Variants in ATRNL1 observed in about 807,000 individuals in gnomAD.
ATRNL1 encodes attractin-like protein 1.
In ATRNL1, 95 loss-of-function variants were observed where a neutral mutation model predicts 182.7. The ratio of observed to expected loss-of-function variants is 0.52; its 90% CI spans 0.44 to 0.62. The LOEUF (loss-of-function observed/expected upper bound fraction) is 0.62. Among genes scored for constraint, ATRNL1 ranks in the 20% least tolerant of loss-of-function variants. The pLI, the probability that ATRNL1 is intolerant of heterozygous loss-of-function variation, is 0.00. For missense variants in ATRNL1, 1,471 were observed against 1,679.5 expected, an observed-to-expected ratio of 0.88 and a Z score of 2.17; for synonymous variants, 576 against 568.3, an observed-to-expected ratio of 1.01 and a Z score of -0.19.
chr10:115,591,635 C>T (rs1315326224), intron 26 of ATRNL1, among the ~76,000 whole-genome samples: 3 of 152,176 alleles, frequency 2.0e-5, no homozygotes, highest in African/African-American at 7.2e-5. Context: ...ATTCGTGGAG[C>T]ATTGTCTCCT....
intron 14 of ATRNL1, among the ~76,000 whole-genome samples, chr10:115,283,431 C>T (rs1440659334): frequency 4.6e-5 from 7 of 152,040 alleles, no homozygotes; most frequent in African/African-American, 1.4e-4. Flanking sequence ...AACGAACAAA[C>T]AAACACACCA....
chr10:115,109,931 C>T (rs1020400967), intron 1 of ATRNL1, among the ~76,000 whole-genome samples: 2 of 152,084 alleles, frequency 1.3e-5, no homozygotes. Context: ...TAATTTTAGG[C>T]TGAAGAGCCA....
chr10:115,849,078 T>C (rs1950994763), intron 28 of ATRNL1, among the ~76,000 whole-genome samples: 1 of 152,168 alleles, frequency 6.6e-6, no homozygotes. Flanking sequence ...TGTAACAGAA[T>C]TTTTCCCATA....
chr10:115,879,744 C>T (rs1407285868), intron 28 of ATRNL1, among the ~76,000 whole-genome samples: 2 of 152,056 alleles, frequency 1.3e-5, no homozygotes, highest in Non-Finnish European at 2.9e-5. Context: ...TAAGGGAATA[C>T]TAGAGATTCT....
chr10:115,254,742 T>A (rs1284288439), intron 10 of ATRNL1, among the ~76,000 whole-genome samples: 3 of 152,338 alleles, frequency 2.0e-5, no homozygotes, highest in African/African-American at 7.2e-5. Context: ...TTGCCTAGGT[T>A]CTCTTCTAGG....
chr10:115,725,148 G>A (rs1947554273), intron 26 of ATRNL1, among the ~76,000 whole-genome samples: 1 of 152,064 alleles, frequency 6.6e-6, no homozygotes, highest in African/African-American at 2.4e-5. Flanking sequence ...TATTTTTCTT[G>A]TTCTTTACAT....
intron 27 of ATRNL1, among the ~76,000 whole-genome samples, chr10:115,746,561 T>C (rs868958262): frequency 6.6e-6 from 1 of 152,174 alleles, no homozygotes. Flanking sequence ...AAGTTGCCAC[T>C]TAACAATATT....
At chr10:115,202,388 T>G (rs2144313998) in intron 8 of ATRNL1, among the ~76,000 whole-genome samples, 1 of 151,814 alleles carries the variant, frequency 6.6e-6, no homozygotes, top group South Asian at 2.1e-4. Context: ...TAGCTCTTAT[T>G]ATTTTGAGAT....
chr10:115,529,080 A>G (rs971875390), intron 25 of ATRNL1, among the ~76,000 whole-genome samples: 4 of 151,942 alleles, frequency 2.6e-5, no homozygotes, highest in African/African-American at 9.7e-5. Context: ...GAGAATATGT[A>G]TTCTGTTGTT....
At chr10:115,575,320 G>A (rs1466291428) in intron 26 of ATRNL1, among the ~76,000 whole-genome samples, 3 of 152,098 alleles carry the variant, frequency 2.0e-5, no homozygotes, top group Admixed American at 2.0e-4. Flanking sequence ...AAAACAGAAT[G>A]CATTGCATTA....
intron 27 of ATRNL1, among the ~76,000 whole-genome samples, chr10:115,793,524 GAACGAAGCTGAAAGC>G (rs1324771942): frequency 3.3e-3 from 1 of 304 alleles, no homozygotes; most frequent in Non-Finnish European, 8.1e-3. Context: ...AAATAACTTT[GAACGAAGCTGAAAGC>G]TTCATTTAGT....
intron 28 of ATRNL1, among the ~76,000 whole-genome samples, chr10:115,917,477 AAAAAAAAAG>A (rs1952901352): frequency 2.5e-4 from 2 of 8,102 alleles, no homozygotes; most frequent in Admixed American, 5.6e-3. Context: ...CTCAAAAAAA[AAAAAAAAAG>A]AAAAAAAAAA....
At chr10:115,280,881 C>T (rs956468632) in intron 13 of ATRNL1, among the ~76,000 whole-genome samples, 22 of 152,186 alleles carry the variant, frequency 1.4e-4, no homozygotes, top group Non-Finnish European at 2.8e-4. Context: ...GTAGGCCTTC[C>T]AGTAACCATT....
chr10:115,628,495 A>G (rs541417816), intron 26 of ATRNL1, among the ~76,000 whole-genome samples: 1 of 151,414 alleles, frequency 6.6e-6, no homozygotes, highest in South Asian at 2.1e-4. Flanking sequence ...CAGATAAATG[A>G]TTTGCAAGTA....
chr10:115,777,800 A>G (rs1949164390), intron 27 of ATRNL1, among the ~76,000 whole-genome samples: 1 of 152,164 alleles, frequency 6.6e-6, no homozygotes, highest in African/African-American at 2.4e-5. Context: ...GAAAAAAGGA[A>G]CAATGCGTGA....
At chr10:115,188,543 A>C (rs573188866) in intron 8 of ATRNL1, among the ~76,000 whole-genome samples, 18 of 152,270 alleles carry the variant, frequency 1.2e-4, no homozygotes, top group African/African-American at 4.3e-4. Flanking sequence ...CAAGGTGAGT[A>C]TAATATTAAT....
intron 27 of ATRNL1, among the ~76,000 whole-genome samples, chr10:115,787,539 A>G (rs529914663): frequency 6.6e-6 from 1 of 152,084 alleles, no homozygotes; most frequent in Non-Finnish European, 1.5e-5. Context: ...TCTTACCTTC[A>G]TAGTAATCCA....
At chr10:115,731,389 A>C (rs1947793263) in intron 27 of ATRNL1, among the ~76,000 whole-genome samples, 1 of 152,152 alleles carries the variant, frequency 6.6e-6, no homozygotes, top group Non-Finnish European at 1.5e-5. Flanking sequence ...CATTTTTGCA[A>C]GTACTTGGTA....
chr10:115,206,394 T>G (rs1554893790), intron 8 of ATRNL1, among the ~76,000 whole-genome samples: 1 of 152,120 alleles, frequency 6.6e-6, no homozygotes, highest in Non-Finnish European at 1.5e-5. Context: ...GTTGCTGTAT[T>G]ATTTACAATA....
Sources: gnomAD v4.1 joint callset for allele counts (sites outside exome capture counted in the v4.1 genomes callset) on GRCh38, gnomAD v4.1.1 for gene constraint, MANE v1.5 for transcripts, NCBI Gene and HGNC (gene_info 2026-07-23, HGNC 2026-07-21) for gene names.